The following SIPA1L1 variants were observed in gnomAD, a reference collection of about 807,000 sequenced individuals.
SIPA1L1 encodes the protein signal-induced proliferation-associated 1-like protein 1.
A neutral mutation model predicts 162.7 loss-of-function variants in SIPA1L1; 26 were observed. That is an observed-to-expected ratio of 0.16 (90% CI 0.12 to 0.22). The LOEUF (loss-of-function observed/expected upper bound fraction) is 0.22, where lower values mean the gene tolerates loss of function less well. Among genes scored for constraint, SIPA1L1 ranks in the 10% least tolerant of loss-of-function variants. SIPA1L1 has a pLI of 1.00. For missense variants in SIPA1L1, 1,874 were observed against 2,241.0 expected (o/e 0.84, Z 3.31); for synonymous variants, 829 against 837.4 (o/e 0.99, Z 0.17).
chr14:71,519,863 A>G (rs576718411), intron 3 of SIPA1L1, among the ~76,000 whole-genome samples: 2 of 152,022 alleles, frequency 1.3e-5, no homozygotes. Flanking sequence ...CTGATTGATT[A>G]TAATAGTGAT....
At position 71,624,198 on chromosome 14, in the gene SIPA1L1, A is replaced by C; in HGVS notation, c.1780A>C (p.Lys594Gln). 1 of 1,614,022 alleles carries C rather than the reference A, an allele frequency of 6.2e-7. No homozygotes were observed. Among genetic ancestry groups the C allele is most frequent in the African/African-American group, 1.3e-5 (1 of 75,052 alleles). Residue 594 changes from lysine (K) to glutamine (Q), a missense_variant, in exon 7 of 24, where the codon AAG (lysine) becomes CAG (glutamine). By Grantham distance (53) the Lys-to-Gln change is moderately conservative. Around this residue, in one of 5 missense-constraint regions of SIPA1L1, gnomAD observed 685 missense variants for 828.0 expected, o/e 0.83. Coordinates refer to ENST00000381232, the MANE Select transcript of SIPA1L1 (RefSeq NM_001386936.1). Reference protein sequence around the residue: ...QCLRLAFNTPKVTEQLMKLDE... With the variant: ...QCLRLAFNTPQVTEQLMKLDE... ...CCTGCGGTTGGCCTTCAACACACCCAAGGTCACAGAGCAGCTCATGAAACT... is the reference window on the plus strand; with the variant it reads ...CCTGCGGTTGGCCTTCAACACACCCCAGGTCACAGAGCAGCTCATGAAACT...
At chr14:71,351,458 C>A (rs1409382466) in intron 2 of SIPA1L1, among the ~76,000 whole-genome samples, 1 of 152,046 alleles carries the variant, frequency 6.6e-6, no homozygotes, top group East Asian at 1.9e-4. Context: ...GAATTAAATC[C>A]CTTTGTTACT....
chr14:71,731,591 T>C (rs1279441477), intron 20 of SIPA1L1, among the ~76,000 whole-genome samples: 3 of 152,342 alleles, frequency 2.0e-5, no homozygotes, highest in Non-Finnish European at 2.9e-5. Context: ...TCTGTACTTT[T>C]AATTTGCCTT....
intron 10 of SIPA1L1, among the ~76,000 whole-genome samples, chr14:71,668,745 A>G (rs1459103527): frequency 6.6e-6 from 1 of 152,172 alleles, no homozygotes; most frequent in Non-Finnish European, 1.5e-5. Context: ...GTCCTCAACA[A>G]TGCTGGGTAA....
intron 2 of SIPA1L1, among the ~76,000 whole-genome samples, chr14:71,502,255 A>AAAATATATATATATATAT (rs67020418): frequency 1.2e-4 from 12 of 97,546 alleles, no homozygotes; most frequent in African/African-American, 5.0e-4. Flanking sequence ...AAAAAAAAAA[A>AAAATATATATATATATAT]ATATATATAT....
At chr14:71,721,739 G>A (rs1211166590) in intron 17 of SIPA1L1, among the ~76,000 whole-genome samples, 2 of 152,194 alleles carry the variant, frequency 1.3e-5, no homozygotes, top group African/African-American at 4.8e-5. Flanking sequence ...AGGACTGGTG[G>A]TGTAGGCATT....
intron 4 of SIPA1L1, among the ~76,000 whole-genome samples, chr14:71,554,642 C>T (rs918361249): frequency 1.3e-5 from 2 of 152,166 alleles, no homozygotes; most frequent in Middle Eastern, 3.2e-3. Flanking sequence ...TCACAAATTA[C>T]AACATCCTGT....
At chr14:71,683,020 A>G (rs1405359199) in intron 12 of SIPA1L1, among the ~76,000 whole-genome samples, 5 of 152,158 alleles carry the variant, frequency 3.3e-5, no homozygotes, top group Non-Finnish European at 7.4e-5. Context: ...TGAGCGTGGC[A>G]GTGCACACCT....
intron 3 of SIPA1L1, among the ~76,000 whole-genome samples, chr14:71,513,387 T>C (rs1225984027): frequency 2.0e-5 from 3 of 152,164 alleles, no homozygotes; most frequent in Admixed American, 1.3e-4. Context: ...AGTGTATCAG[T>C]CAGGGTTCTC....
intron 4 of SIPA1L1, chr14:71,574,903 G>A (rs190635741): frequency 5.3e-5 from 8 of 152,110 alleles, no homozygotes; most frequent in Admixed American, 3.3e-4. Context: ...TGAAAGTTAG[G>A]CATAAAATGT....
intron 5 of SIPA1L1, among the ~76,000 whole-genome samples, chr14:71,596,838 A>T (rs2036095307): frequency 6.6e-6 from 1 of 151,898 alleles, no homozygotes; most frequent in South Asian, 2.1e-4. Context: ...TTGTAATTTC[A>T]ATTTCTTTTT....
intron 3 of SIPA1L1, among the ~76,000 whole-genome samples, chr14:71,527,087 G>T (rs532763891): frequency 6.0e-4 from 92 of 152,128 alleles, no homozygotes; most frequent in African/African-American, 2.0e-3. Flanking sequence ...TATTTCCATG[G>T]TGATGCATGA....
At chr14:71,343,476 G>A (rs1164144068) in intron 2 of SIPA1L1, among the ~76,000 whole-genome samples, 3 of 152,006 alleles carry the variant, frequency 2.0e-5, no homozygotes, top group South Asian at 2.1e-4. Flanking sequence ...TAAATGTACC[G>A]TCTTTGATAT....
intron 3 of SIPA1L1, chr14:71,528,676 A>AT (rs1281953380): frequency 1.3e-5 from 2 of 152,058 alleles, no homozygotes; most frequent in South Asian, 2.1e-4. Flanking sequence ...TAATAATTCT[A>AT]TTTTTTCCCC....
At chr14:71,687,482 C>G (rs2080955730) in intron 13 of SIPA1L1, among the ~76,000 whole-genome samples, 1 of 152,200 alleles carries the variant, frequency 6.6e-6, no homozygotes, top group South Asian at 2.1e-4. Flanking sequence ...AATCAGCAGG[C>G]TTTCACAAGT....
intron 7 of SIPA1L1, among the ~76,000 whole-genome samples, chr14:71,648,135 C>G (rs1266971692): frequency 1.3e-5 from 2 of 152,050 alleles, no homozygotes; most frequent in Non-Finnish European, 2.9e-5. Context: ...ACTAAAAATA[C>G]AAAAATTAGC....
intron 2 of SIPA1L1, among the ~76,000 whole-genome samples, chr14:71,476,214 C>T (rs561401692): frequency 1.6e-4 from 24 of 152,264 alleles, no homozygotes; most frequent in African/African-American, 4.3e-4. Flanking sequence ...ATGTATAACC[C>T]GGTGGGGTAG....
chr14:71,383,406 A>G (rs1161225068), intron 2 of SIPA1L1, among the ~76,000 whole-genome samples: 1 of 152,212 alleles, frequency 6.6e-6, no homozygotes, highest in Admixed American at 6.5e-5. Flanking sequence ...ATTGGAAGAT[A>G]TTTTTAAAAT....
At chr14:71,608,596 TA>T (rs547835885) in intron 5 of SIPA1L1, among the ~76,000 whole-genome samples, 14 of 151,784 alleles carry the variant, frequency 9.2e-5, no homozygotes, top group Non-Finnish European at 1.3e-4. Context: ...TTTTTATACT[TA>T]AAAAAAAGAA....
Sources: gnomAD v4.1 joint callset for allele counts (sites outside exome capture counted in the v4.1 genomes callset) on GRCh38, gnomAD v4.1.1 for gene constraint, gnomAD v4.1.1 regional missense constraint, MANE v1.5 for transcripts, NCBI Gene and HGNC (gene_info 2026-07-23, HGNC 2026-07-21) for gene names.